The following GNAS variants were observed in gnomAD, a reference collection of about 807,000 sequenced individuals.
The protein encoded by GNAS is protein ALEX.
Under a neutral mutation model 54.5 loss-of-function variants are expected in GNAS, and 8 were observed. That is an observed-to-expected ratio of 0.15 (90% CI 0.09 to 0.26). GNAS has a LOEUF of 0.26. GNAS is among the 10% of genes least tolerant of loss of function. The pLI is 1.00. For missense variants in GNAS, 170 were observed against 529.8 expected (o/e 0.32, Z 6.67); for synonymous variants, 204 against 191.4 (o/e 1.07, Z -0.54).
intron 1 of GNAS, chr20:58,854,901 A>G: frequency 6.3e-7 from 1 of 1,594,934 alleles, no homozygotes; most frequent in Non-Finnish European, 8.5e-7. Context: ...TCCGCGGCCT[A>G]CTCGCGCGTC....
At chr20:58,889,319 G>A, upstream of GNAS, 1 of 989,920 alleles carries the variant, frequency 1.0e-6, no homozygotes. Flanking sequence ...CGGCCGGCAG[G>A]CGCTGCCTTG....
chr20:58,871,320 A>T (rs1201943031), intron 1 of GNAS, among the ~76,000 whole-genome samples: 5 of 152,188 alleles, frequency 3.3e-5, no homozygotes, highest in African/African-American at 1.2e-4. Flanking sequence ...ATAGAGATTA[A>T]ATTTAAAAAT....
At chr20:58,899,925 T>C in intron 3 of GNAS, 3 of 717,878 alleles carry the variant, frequency 4.2e-6, no homozygotes, top group Non-Finnish European at 7.8e-6. Flanking sequence ...AACTGACACA[T>C]GTTTGTTCAT....
chr20:58,840,427 C>G (rs148910090), upstream of GNAS: 31 of 1,613,362 alleles, frequency 1.9e-5, no homozygotes, highest in Non-Finnish European at 2.5e-5. The surrounding 1 kb of genome is among the most constrained non-coding windows in gnomAD (Gnocchi z 6.0). Flanking sequence ...AGGAAGAGTT[C>G]GACTACGAGA....
At chr20:58,900,218 T>C (rs1601082949) in intron 3 of GNAS, 1 of 539,592 alleles carries the variant, frequency 1.9e-6, no homozygotes, top group East Asian at 3.1e-5. Context: ...ATTGACAATC[T>C]GCTGTACCAA....
In GNAS at chr20:58,909,488, T is replaced by C. The variant is rs2146276127; in HGVS notation, c.660-33T>C. On this transcript the variant is annotated intron_variant, in intron 8 of 12. Coordinates refer to ENST00000371085, the MANE Select transcript of GNAS (RefSeq NM_000516.7). The surrounding 1 kb of genome is among the most constrained non-coding windows in gnomAD (Gnocchi z 7.3). The stretch of plus-strand genomic sequence containing the variant: ...GTTTCTTGACATTCACCCCAGTCCC[T>C]CTGGAATAACCAGCTGTCCTCCTCC... The C allele has an allele frequency of 6.2e-7, 1 of 1,613,362 alleles. No individual in the cohort carries two copies. Among genetic ancestry groups the C allele is most frequent in the South Asian group, 1.1e-5 (1 of 91,070 alleles).
chr20:58,890,308 T>TCGGGGGCGCCGAGGAGGGCGCCGCCGC (rs1433468393), upstream of GNAS, among the ~76,000 whole-genome samples: 4 of 146,888 alleles, frequency 2.7e-5, no homozygotes, highest in South Asian at 2.2e-4. Context: ...GAGGGCGCCG[T>TCGGGGGCGCCGAGGAGGGCGCCGCCGC]CGGGGGCGCC....
At chr20:58,845,133 T>G (rs1338761275) in intron 1 of GNAS, among the ~76,000 whole-genome samples, 1 of 152,158 alleles carries the variant, frequency 6.6e-6, no homozygotes, top group African/African-American at 2.4e-5. Context: ...AGTACTGACC[T>G]AGTACTGCAG....
At position 58,853,727 on chromosome 20, in the gene GNAS, C is replaced by G; in HGVS notation, c.43+12841C>G. On this transcript the variant is annotated intron_variant, in intron 1 of 12. Transcript: ENST00000306090. The surrounding 1 kb of genome is among the most constrained non-coding windows in gnomAD (Gnocchi z 4.4). Reference sequence around the variant, plus strand: ...GTGCCAGACCAGGCCTGGGAGGATACAGCCCTCCACCAGAAGAAGCTATGC... The same window carrying G: ...GTGCCAGACCAGGCCTGGGAGGATAGAGCCCTCCACCAGAAGAAGCTATGC... The G allele has an allele frequency of 6.2e-7, 1 of 1,613,824 alleles. No homozygotes were observed. The highest frequency in any genetic ancestry group is 8.5e-7 in the Non-Finnish European group (1 of 1,179,858).
intron 1 of GNAS, chr20:58,892,313 A>T: frequency 3.5e-6 from 1 of 287,400 alleles, no homozygotes; most frequent in Non-Finnish European, 4.9e-6. Context: ...AGGGAGGGGG[A>T]CCCGCCTCCG....
chr20:58,886,872 T>C (rs2088625133), upstream of GNAS, among the ~76,000 whole-genome samples: 1 of 152,242 alleles, frequency 6.6e-6, no homozygotes. Flanking sequence ...ATGCTTTATT[T>C]ATCCATCAGT....
rs775092519 is a variant in GNAS, at chr20:58,841,498, A to C, written c.43+612A>C. On this transcript the variant is annotated intron_variant, in intron 1 of 12. Coordinates refer to the GNAS transcript ENST00000306090. This position sits in a 1 kb window ranked among gnomAD's most constrained non-coding sequence, Gnocchi z 5.0. ...AGCCCAGGTCCCAGAGCTGACAATTAAGCCGCGGGACCTCCGCGCCAGTGC... is the reference window on the plus strand; with the variant it reads ...AGCCCAGGTCCCAGAGCTGACAATTCAGCCGCGGGACCTCCGCGCCAGTGC... The C allele has an allele frequency of 6.4e-4, 629 of 990,538 alleles. 1 individual carries two copies. The highest frequency in any genetic ancestry group is 7.3e-4 in the Non-Finnish European group (609 of 833,820). 61.4% of individuals were successfully genotyped at this position (990,538 alleles called of 1,614,324 possible).
intron 3 of GNAS, chr20:58,900,083 G>A: frequency 1.7e-6 from 1 of 584,250 alleles, no homozygotes; most frequent in Non-Finnish European, 3.1e-6. Flanking sequence ...GGGGGAGGGG[G>A]GATGGGGCCC....
At chr20:58,907,477 GAAGTT>G (rs1369448994) in intron 6 of GNAS, among the ~76,000 whole-genome samples, 36 of 152,332 alleles carry the variant, frequency 2.4e-4, no homozygotes, top group Admixed American at 2.1e-3. Flanking sequence ...ATCCAAGTCA[GAAGTT>G]AAGTACAGGT....
chr20:58,840,107 A>C (rs2085660423), upstream of GNAS: 3 of 1,609,992 alleles, frequency 1.9e-6, no homozygotes, highest in Non-Finnish European at 2.5e-6. The surrounding 1 kb of genome is among the most constrained non-coding windows in gnomAD (Gnocchi z 6.0). Context: ...GCCTAAGAGG[A>C]TGGATCGGAG....
chr20:58,896,635 GAAAA>G (rs1173094175), intron 2 of GNAS, among the ~76,000 whole-genome samples: 6 of 148,894 alleles, frequency 4.0e-5, no homozygotes, highest in African/African-American at 7.5e-5. Context: ...AAAAAAAAAA[GAAAA>G]AGAAAAAACA....
intron 1 of GNAS, chr20:58,855,258 C>G (rs1280693874): frequency 1.9e-6 from 3 of 1,588,754 alleles, no homozygotes; most frequent in African/African-American, 1.3e-5. Flanking sequence ...AGAGAAGAAA[C>G]GCAGTAAGCT....
At chr20:58,871,956 G>C (rs1213008150) in intron 1 of GNAS, among the ~76,000 whole-genome samples, 2 of 152,140 alleles carry the variant, frequency 1.3e-5, no homozygotes, top group African/African-American at 4.8e-5. Context: ...GAGGGGCCAG[G>C]CTGGCTAGAC....
In GNAS at chr20:58,841,519, A is replaced by C. The variant is rs1008592347; in HGVS notation, c.43+633A>C. The C allele has an allele frequency of 1.9e-5, 19 of 992,932 alleles. No individual in the cohort carries two copies. Among genetic ancestry groups the C allele is most frequent in the Non-Finnish European group, 2.3e-5 (19 of 835,428 alleles). The allele number at this position is 992,932 out of a possible 1,614,324, so 61.5% of individuals were successfully genotyped here. A position where few individuals can be genotyped will look rare whatever the true frequency, so the allele number is the denominator to read the frequency against. On this transcript the variant is annotated intron_variant, in intron 1 of 12. Transcript: ENST00000306090. This position sits in a 1 kb window ranked among gnomAD's most constrained non-coding sequence, Gnocchi z 5.0. Reference sequence around the variant, plus strand: ...AATTAAGCCGCGGGACCTCCGCGCCAGTGCCTCCAGCTGCCGTGCGCCAGC... The same window carrying C: ...AATTAAGCCGCGGGACCTCCGCGCCCGTGCCTCCAGCTGCCGTGCGCCAGC...
Sources: gnomAD v4.1 joint callset for allele counts (sites outside exome capture counted in the v4.1 genomes callset) on GRCh38, gnomAD v4.1.1 for gene constraint, Gnocchi (gnomAD v3.1) non-coding constraint, MANE v1.5 for transcripts, NCBI Gene and HGNC (gene_info 2026-07-23, HGNC 2026-07-21) for gene names.